SH3BP2: variants seen among roughly 807,000 people sequenced by gnomAD.
The protein encoded by SH3BP2 is SH3 domain binding protein 2.
SH3BP2 carries 38 observed loss-of-function variants against 56.2 expected under a neutral mutation model. The ratio of observed to expected loss-of-function variants is 0.68; its 90% CI spans 0.52 to 0.89. SH3BP2 has a LOEUF of 0.89. Among genes scored for constraint, SH3BP2 ranks in the 40% least tolerant of loss-of-function variants. SH3BP2 has a pLI of 0.00. For missense variants in SH3BP2, 748 were observed against 762.6 expected, an observed-to-expected ratio of 0.98 and a Z score of 0.23; for synonymous variants, 346 against 316.7, an observed-to-expected ratio of 1.09 and a Z score of -0.98.
chr4:2,819,100 T>G (rs1724161402), intron 1 of SH3BP2: 2 of 161,952 alleles, frequency 1.2e-5, no homozygotes, highest in Non-Finnish European at 2.6e-5. Flanking sequence ...GCTAATTATT[T>G]TTTAGAGATG....
Position 2,827,662 on chromosome 4 carries a change from G to C in SH3BP2, c.574G>C (p.Gly192Arg). The change falls in exon 7 of 13, where the codon GGA becomes CGA. Residue 192 changes from glycine (G) to arginine (R), a missense_variant. Gly to Arg is a moderately radical substitution (Grantham distance 125, BLOSUM62 -2). Around this residue, in one of 3 missense-constraint regions of SH3BP2, gnomAD observed 635 missense variants for 615.0 expected, o/e 1.03. Coordinates refer to ENST00000503393, the MANE Select transcript of SH3BP2 (RefSeq NM_001122681.2). ...CCTGGAGCCTGACTCCCCGGAGCCC[G>C]GAAGGCTTGAGGGTAGGTGGGGCGG... ...SYLEPDSPEP[G>R]RLEDALMHPP... 1.3e-6 allele frequency: 2 copies of C among 1,592,356 alleles called. No individual in the cohort carries two copies. Among genetic ancestry groups the C allele is most frequent in the Non-Finnish European group, 1.7e-6 (2 of 1,169,026 alleles).
chr4:2,804,571 C>T (rs1015442726), intron 1 of SH3BP2, among the ~76,000 whole-genome samples: 13 of 152,210 alleles, frequency 8.5e-5, no homozygotes, highest in African/African-American at 2.7e-4. Flanking sequence ...CCTGCGGTAG[C>T]TTCCTCCCTG....
At chr4:2,798,150 T>A (rs1351701848) in intron 1 of SH3BP2, among the ~76,000 whole-genome samples, 1 of 151,132 alleles carries the variant, frequency 6.6e-6, no homozygotes, top group African/African-American at 2.4e-5. Flanking sequence ...TCGGTGGCCC[T>A]GGCAGCGGTA....
intron 1 of SH3BP2, among the ~76,000 whole-genome samples, chr4:2,802,812 A>T (rs1451464256): frequency 6.6e-6 from 1 of 152,136 alleles, no homozygotes; most frequent in East Asian, 1.9e-4. Context: ...GGACAGAGGG[A>T]AGGGACCCTG....
chr4:2,801,876 G>A (rs1191637164), intron 1 of SH3BP2, among the ~76,000 whole-genome samples: 1 of 152,234 alleles, frequency 6.6e-6, no homozygotes, highest in African/African-American at 2.4e-5. Context: ...GGGAGGCCAA[G>A]GCGGGTGGAT....
At chr4:2,823,965 C>T (rs368740641) in intron 3 of SH3BP2, among the ~76,000 whole-genome samples, 8 of 152,240 alleles carry the variant, frequency 5.3e-5, no homozygotes, top group African/African-American at 1.9e-4. Context: ...CAGCGCCTTC[C>T]GGCCTCCAGC....
chr4:2,822,995 C>G lies in SH3BP2; in HGVS notation c.197C>G (p.Ser66Cys), dbSNP rs376871555. 6.2e-7 allele frequency: 1 copy of G among 1,614,124 alleles called. No individual in the cohort carries two copies. The highest frequency in any genetic ancestry group is 8.5e-7 in the Non-Finnish European group (1 of 1,179,978). ...RCVYYFKSSTSASPQGAFSLS... is the reference protein window; with the variant it reads ...RCVYYFKSSTCASPQGAFSLS... The stretch of plus-strand genomic sequence containing the variant: ...GTCTACTACTTCAAGAGTAGCACCT[C>G]TGCCTCCCCGCAGGGCGCCTTCTCC... Residue 66 changes from serine to cysteine, a missense_variant, in exon 3 of 13, where the codon TCT becomes TGT. Around this residue, in one of 3 missense-constraint regions of SH3BP2, gnomAD observed 104 missense variants for 123.1 expected, o/e 0.84. Coordinates refer to ENST00000503393, the MANE Select transcript of SH3BP2 (RefSeq NM_001122681.2).
chr4:2,822,876 A>G, intron 2 of SH3BP2, 59 bp from the exon 3 acceptor site: 3 of 1,338,550 alleles, frequency 2.2e-6, no homozygotes, highest in Non-Finnish European at 3.2e-6. Flanking sequence ...GGGTCCTCAC[A>G]GTGGGTCTTG....
At chr4:2,802,522 AT>A (rs1723335981) in intron 1 of SH3BP2, among the ~76,000 whole-genome samples, 2 of 88,294 alleles carry the variant, frequency 2.3e-5, no homozygotes, top group African/African-American at 1.0e-4. Flanking sequence ...ATATGTGTAT[AT>A]ATATATGTAT....
intron 2 of SH3BP2, among the ~76,000 whole-genome samples, chr4:2,822,197 C>T (rs1305406801): frequency 2.0e-5 from 1 of 50,806 alleles, no homozygotes; most frequent in African/African-American, 8.8e-5. Flanking sequence ...CTCTGTCACC[C>T]AGACTGCAGT....
At position 2,833,990 on chromosome 4, in the gene SH3BP2, C is replaced by A; in HGVS notation, c.*156C>A. 1.1e-6 allele frequency: 1 copy of A among 910,614 alleles called. No individual in the cohort carries two copies. Among genetic ancestry groups the A allele is most frequent in the Non-Finnish European group, 1.6e-6 (1 of 618,410 alleles). 56.4% of individuals were successfully genotyped at this position (910,614 alleles called of 1,614,324 possible). On this transcript the variant is annotated 3_prime_UTR_variant, in exon 13 of 13. Transcript: ENST00000503393. ...ACATCTCGTAGGACCCAGCCAGTCT[C>A]ATCCAGCAGGTTGGGTTCTAGGGCT... is the stretch of plus-strand genomic sequence containing the variant.
chr4:2,827,469 G>C lies in SH3BP2; in HGVS notation c.518-137G>C, dbSNP rs1048879294. On this transcript the variant is annotated intron_variant, in intron 6 of 12. Coordinates refer to ENST00000503393, the MANE Select transcript of SH3BP2 (RefSeq NM_001122681.2). ...TAGCATCCCTGGGCTCTGGCCTTCA[G>C]CGGCAGGGTCTGGACTCACAGTCCT... 123 of 1,184,710 alleles carry C rather than the reference G, an allele frequency of 1.0e-4. No homozygotes were observed. In the Middle Eastern group the frequency reaches 1.1e-3, roughly 11 times the overall value. The allele number at this position is 1,184,710 out of a possible 1,614,324, so 73.4% of individuals were successfully genotyped here.
chr4:2,798,362 A>G (rs1246898049), intron 1 of SH3BP2, among the ~76,000 whole-genome samples: 3 of 152,250 alleles, frequency 2.0e-5, no homozygotes, highest in Non-Finnish European at 4.4e-5. Context: ...AAGTCCAAGC[A>G]AAAGGCCGGA....
Position 2,831,462 on chromosome 4 carries a change from A to G in SH3BP2, c.1242-109A>G, listed in dbSNP as rs1395752231. ...TTTTTAGGGTCACAGGGGCCATAGC[A>G]GGCAGCTTGCCGTCCTCACACAGAG... is the stretch of plus-strand genomic sequence containing the variant. On this transcript the variant is annotated intron_variant, in intron 8 of 12. Coordinates refer to ENST00000503393, the MANE Select transcript of SH3BP2 (RefSeq NM_001122681.2). This position sits in a 1 kb window ranked among gnomAD's most constrained non-coding sequence, Gnocchi z 4.1. The G allele has an allele frequency of 2.5e-6, 2 of 812,294 alleles. No individual in the cohort carries two copies. Among genetic ancestry groups the G allele is most frequent in the South Asian group, 1.5e-5 (1 of 68,696 alleles). The allele number at this position is 812,294 out of a possible 1,614,324, so 50.3% of individuals were successfully genotyped here. A position where few individuals can be genotyped will look rare whatever the true frequency, so the allele number is the denominator to read the frequency against.
intron 3 of SH3BP2, chr4:2,823,551 G>A (rs1410135295): frequency 8.8e-6 from 4 of 455,956 alleles, no homozygotes; most frequent in South Asian, 3.1e-5. Context: ...CTGCCCTGGA[G>A]GGCCTTCTGC....
At position 2,832,480 on chromosome 4, in the gene SH3BP2, C is replaced by T. The variant is rs538105431; in HGVS notation, c.1488+68C>T. On this transcript the variant is annotated intron_variant, in intron 11 of 12. Coordinates refer to ENST00000503393, the MANE Select transcript of SH3BP2 (RefSeq NM_001122681.2). ...CACACACCCAGGCTGTGGGTGGGCC[C>T]AGGACTCCACAGTTCCTAAACCACT... 10 of 1,167,056 alleles carry T rather than the reference C, an allele frequency of 8.6e-6. No homozygotes were observed. In the East Asian group the frequency reaches 2.1e-4, roughly 25 times the overall value. The allele number at this position is 1,167,056 out of a possible 1,614,324, so 72.3% of individuals were successfully genotyped here. A position where few individuals can be genotyped will look rare whatever the true frequency, so the allele number is the denominator to read the frequency against.
At chr4:2,802,121 G>A (rs893358668) in intron 1 of SH3BP2, among the ~76,000 whole-genome samples, 4 of 149,828 alleles carry the variant, frequency 2.7e-5, no homozygotes, top group African/African-American at 7.4e-5. Context: ...AAAAGGGGCC[G>A]GGCGCAGTGG....
At chr4:2,812,536 G>A in intron 1 of SH3BP2, 1 of 1,521,292 alleles carries the variant, frequency 6.6e-7, no homozygotes, top group East Asian at 2.5e-5. Context: ...AGCACCTGAA[G>A]AACCAGTAAG....
chr4:2,796,407 G>A, intron 1 of SH3BP2: 1 of 985,484 alleles, frequency 1.0e-6, no homozygotes. Flanking sequence ...AGAGTGGTCA[G>A]GCCCTGCTTG....
Sources: gnomAD v4.1 joint callset for allele counts (sites outside exome capture counted in the v4.1 genomes callset) on GRCh38, gnomAD v4.1.1 for gene constraint, gnomAD v4.1.1 regional missense constraint, Gnocchi (gnomAD v3.1) non-coding constraint, MANE v1.5 for transcripts, NCBI Gene and HGNC (gene_info 2026-07-23, HGNC 2026-07-21) for gene names.